The following ARHGEF33 variants were observed in gnomAD, a reference collection of about 807,000 sequenced individuals.
ARHGEF33 encodes the protein DH and coiled-coil domain-containing protein ENSP00000381780.
ARHGEF33 carries 72 observed loss-of-function variants against 101.9 expected under a neutral mutation model. The observed-to-expected ratio is 0.71, with a 90% confidence interval of 0.58 to 0.86. The LOEUF is 0.86. Among genes scored for constraint, ARHGEF33 ranks in the 40% least tolerant of loss-of-function variants. The pLI, the probability that ARHGEF33 is intolerant of heterozygous loss-of-function variation, is 0.00. For synonymous variants in ARHGEF33, 499 were observed against 442.5 expected (o/e 1.13, Z -1.60); for missense variants, 1,169 against 1,111.3 (o/e 1.05, Z -0.74).
intron 17 of ARHGEF33, among the ~76,000 whole-genome samples, chr2:38,970,798 C>T (rs1005366530): frequency 1.3e-5 from 2 of 152,210 alleles, no homozygotes; most frequent in African/African-American, 4.8e-5. Context: ...TCTCCAAACT[C>T]ATGTTGGTTA....
At chr2:38,909,020 G>C (rs1426397757) in intron 2 of ARHGEF33, among the ~76,000 whole-genome samples, 1 of 152,174 alleles carries the variant, frequency 6.6e-6, no homozygotes, top group Non-Finnish European at 1.5e-5. Context: ...TATTTGTTGA[G>C]AGTATGTTGA....
intron 4 of ARHGEF33, among the ~76,000 whole-genome samples, chr2:38,927,847 G>C (rs1666908325): frequency 6.6e-6 from 1 of 152,176 alleles, no homozygotes; most frequent in South Asian, 2.1e-4. Flanking sequence ...TTATTATCCT[G>C]TTGTTACTAT....
chr2:38,950,218 C>G (rs1349175158), intron 10 of ARHGEF33, among the ~76,000 whole-genome samples: 2 of 152,172 alleles, frequency 1.3e-5, no homozygotes, highest in East Asian at 3.8e-4. Flanking sequence ...CAACTTTAAA[C>G]AAATTTTCCT....
Position 38,929,120 on chromosome 2 carries a change from T to TA in ARHGEF33, c.240+51dup, listed in dbSNP as rs1363593194. 19 of 1,438,426 alleles carry TA rather than the reference T, an allele frequency of 1.3e-5. No homozygotes were observed. The East Asian group carries it at 4.5e-4, about 34-fold the overall frequency. 89.1% of individuals were successfully genotyped at this position (1,438,426 alleles called of 1,614,324 possible). On this transcript the variant is annotated intron_variant, in intron 5 of 17. Coordinates refer to ENST00000409978, the MANE Select transcript of ARHGEF33 (RefSeq NM_001145451.5). ...GCTGACAAGAGAATTTTGGTCTCAGTAACAGCAATAGAAAACTTGCCTTTT... is the reference window on the plus strand; with the variant it reads ...GCTGACAAGAGAATTTTGGTCTCAGTAAACAGCAATAGAAAACTTGCCTTTT...
At chr2:38,892,742 T>C (rs1307666794) in intron 1 of ARHGEF33, among the ~76,000 whole-genome samples, 10 of 152,244 alleles carry the variant, frequency 6.6e-5, no homozygotes, top group Admixed American at 5.9e-4. Context: ...TGAGAGTGAC[T>C]ATCCAACTCT....
chr2:38,938,017 G>T (rs1378475592), intron 9 of ARHGEF33, among the ~76,000 whole-genome samples: 2 of 151,942 alleles, frequency 1.3e-5, no homozygotes, highest in Non-Finnish European at 2.9e-5. Context: ...ATTTCCCCCT[G>T]GCTATTTGGG....
chr2:38,946,746 C>A (rs1667461946), intron 10 of ARHGEF33, among the ~76,000 whole-genome samples: 1 of 152,162 alleles, frequency 6.6e-6, no homozygotes, highest in Non-Finnish European at 1.5e-5. Context: ...CTGCCTCAGC[C>A]TCCTGAGTAG....
intron 17 of ARHGEF33, among the ~76,000 whole-genome samples, chr2:38,972,155 C>A (rs576559138): frequency 6.6e-6 from 1 of 152,276 alleles, no homozygotes; most frequent in East Asian, 1.9e-4. Context: ...AAAACATAGG[C>A]ATTCCTAGTC....
At position 38,973,572 on chromosome 2, in the gene ARHGEF33, C is replaced by G. The variant is rs1324818811; in HGVS notation, c.2484-142C>G. On this transcript the variant is annotated intron_variant, in intron 17 of 17. Coordinates refer to ENST00000409978, the MANE Select transcript of ARHGEF33 (RefSeq NM_001145451.5). Reference sequence around the variant, plus strand: ...AATCTTAGATACACATGTCCTAAGTCATGAAATTCAGGGGAGTAAAAAGTA... The same window carrying G: ...AATCTTAGATACACATGTCCTAAGTGATGAAATTCAGGGGAGTAAAAAGTA... The G allele has an allele frequency of 7.0e-6, 6 of 851,594 alleles. No individual in the cohort carries two copies. In the South Asian group the frequency reaches 1.3e-4, roughly 18 times the overall value. The allele number at this position is 851,594 out of a possible 1,614,324, so 52.8% of individuals were successfully genotyped here. A position where few individuals can be genotyped will look rare whatever the true frequency, so the allele number is the denominator to read the frequency against.
At chr2:38,955,663 CTTAT>C (rs1216650116) in intron 13 of ARHGEF33, among the ~76,000 whole-genome samples, 2 of 150,652 alleles carry the variant, frequency 1.3e-5, no homozygotes, top group African/African-American at 2.4e-5. Flanking sequence ...CCATGCCTGG[CTTAT>C]TTATTTATTT....
At chr2:38,971,764 T>C in intron 17 of ARHGEF33, 1 of 710,076 alleles carries the variant, frequency 1.4e-6, no homozygotes, top group Non-Finnish European at 2.6e-6. Context: ...ATTCAGACAT[T>C]GGAGACATAG....
intron 7 of ARHGEF33, among the ~76,000 whole-genome samples, chr2:38,931,527 T>C (rs1234244877): frequency 6.6e-6 from 1 of 152,142 alleles, no homozygotes; most frequent in East Asian, 1.9e-4. Flanking sequence ...GTACAATCAT[T>C]ACTATGCTAA....
chr2:38,933,151 G>A (rs1667044292), intron 7 of ARHGEF33, among the ~76,000 whole-genome samples: 1 of 152,140 alleles, frequency 6.6e-6, no homozygotes, highest in African/African-American at 2.4e-5. Flanking sequence ...TCTGGCTCAA[G>A]GTCTCTCATT....
At chr2:38,939,937 T>C (rs1424285580) in intron 9 of ARHGEF33, among the ~76,000 whole-genome samples, 1 of 152,258 alleles carries the variant, frequency 6.6e-6, no homozygotes, top group Non-Finnish European at 1.5e-5. Flanking sequence ...GTTTTAGCTT[T>C]CACATTTAGG....
At position 38,974,376 on chromosome 2, in the gene ARHGEF33, C is replaced by A. The variant is rs1668230871; in HGVS notation, c.*533C>A. The A allele has an allele frequency of 6.6e-6, 1 of 152,292 alleles. No homozygotes were observed. Among genetic ancestry groups the A allele is most frequent in the Admixed American group, 6.5e-5 (1 of 15,302 alleles). The allele number at this position is 152,292 out of a possible 1,614,324, so 9.4% of individuals were successfully genotyped here. ...TAAGGCAAAGGATTAATTAACAGAA[C>A]TGTATTTTATATGTTGCATATCTGA... On this transcript the variant is annotated 3_prime_UTR_variant, in exon 18 of 18. Coordinates refer to ENST00000409978, the MANE Select transcript of ARHGEF33 (RefSeq NM_001145451.5).
rs1454687757 is a variant in ARHGEF33 at position 38,941,143 on chromosome 2, T to G, written c.791-2758T>G. On this transcript the variant is annotated intron_variant, in intron 9 of 17. Coordinates refer to ENST00000409978, the MANE Select transcript of ARHGEF33 (RefSeq NM_001145451.5). ...TCTTAGTGTAATTCATAATATGAAT[T>G]CATAATTCATAATCCTAAACTTTTG... Among the ~76,000 whole-genome samples, 4 of 152,138 alleles carry G rather than the reference T, an allele frequency of 2.6e-5. No individual in the cohort carries two copies. The East Asian group carries it at 7.8e-4, about 30-fold the overall frequency.
At chr2:38,945,864 CG>C (rs917109449) in intron 10 of ARHGEF33, among the ~76,000 whole-genome samples, 4 of 152,140 alleles carry the variant, frequency 2.6e-5, no homozygotes, top group African/African-American at 9.7e-5. Context: ...ACCTTACAGA[CG>C]AAGGAACTAA....
chr2:38,959,371 T>C (rs1667853367), intron 15 of ARHGEF33: 1 of 153,354 alleles, frequency 6.5e-6, no homozygotes, highest in African/African-American at 2.4e-5. Flanking sequence ...CCACATGCCC[T>C]CATCCAGATT....
intron 16 of ARHGEF33, among the ~76,000 whole-genome samples, chr2:38,962,142 C>A (rs1028435702): frequency 6.6e-6 from 1 of 152,152 alleles, no homozygotes; most frequent in Admixed American, 6.5e-5. Flanking sequence ...TGATTTTCAA[C>A]CCCAAGCTTT....
Sources: allele counts gnomAD v4.1 joint callset (sites outside exome capture counted in the v4.1 genomes callset), GRCh38; gene constraint gnomAD v4.1.1; transcripts MANE v1.5; gene names NCBI Gene and HGNC (gene_info 2026-07-23, HGNC 2026-07-21).